Variants in LBR observed in about 807,000 individuals in gnomAD.
LBR encodes delta(14)-sterol reductase LBR.
A neutral mutation model predicts 74.3 loss-of-function variants in LBR; 28 were observed. The ratio of observed to expected loss-of-function variants is 0.38; its 90% CI spans 0.28 to 0.52. LBR has a LOEUF of 0.52. Among genes scored for constraint, LBR ranks in the 20% least tolerant of loss-of-function variants. The probability of loss-of-function intolerance (pLI) is 0.89; values close to 1 mark genes in which losing one functional copy is unlikely to be tolerated. For synonymous variants in LBR, 228 were observed against 269.3 expected (o/e 0.85, Z 1.50); for missense variants, 717 against 760.3 (o/e 0.94, Z 0.67).
intron 2 of LBR, 54 bp downstream of exon 2, chr1:225,423,857 G>C (rs2096133401): frequency 8.6e-6 from 13 of 1,510,880 alleles, no homozygotes; most frequent in South Asian, 1.1e-5. Context: ...ACCATACTTA[G>C]AGTTATTTCC....
intron 5 of LBR, among the ~76,000 whole-genome samples, chr1:225,418,423 T>C (rs983323918): frequency 6.6e-6 from 1 of 151,600 alleles, no homozygotes; most frequent in African/African-American, 2.4e-5. Flanking sequence ...AGGTCCAACA[T>C]TGAATAGCTA....
Position 225,417,918 on chromosome 1 carries a change from G to A in LBR, c.837+66C>T, listed in dbSNP as rs367936423. On this transcript the variant is annotated intron_variant, in intron 6 of 13. Transcript: ENST00000272163. ...GGATCACTTGATCCCAGAAATTGGAGACCCGCCTGGACAATATAGTGAGAC... is the reference window on the plus strand; with the variant it reads ...GGATCACTTGATCCCAGAAATTGGAAACCCGCCTGGACAATATAGTGAGAC... The A allele has an allele frequency of 4.8e-5, 70 of 1,453,694 alleles. No individual in the cohort carries two copies. In the African/African-American group the frequency reaches 9.3e-4, roughly 19 times the overall value. The allele number at this position is 1,453,694 out of a possible 1,614,324, so 90.0% of individuals were successfully genotyped here.
At chr1:225,421,535 G>A (rs1021616712) in intron 3 of LBR, among the ~76,000 whole-genome samples, 14 of 152,238 alleles carry the variant, frequency 9.2e-5, no homozygotes, top group African/African-American at 3.4e-4. Flanking sequence ...TTAACATTAA[G>A]TGAATAGAAG....
At position 225,419,450 on chromosome 1, in the gene LBR, T is replaced by C; in HGVS notation, c.453A>G (p.Glu151=). Residue 151 remains glutamate, a splice_region_variant and synonymous_variant, in exon 5 of 14, where the codon GAA becomes GAG. Transcript: ENST00000272163. ...TGCTTTCTTGTGACAAACTGAATTTTTCCTAAATGAAAAATTTAAAAATTA... is the reference window on the plus strand; with the variant it reads ...TGCTTTCTTGTGACAAACTGAATTTCTCCTAAATGAAAAATTTAAAAATTA... ...RNDAPHKNTQ[E]KFSLSQESSY... The C allele has an allele frequency of 1.2e-6, 2 of 1,606,736 alleles. No individual in the cohort carries two copies. The highest frequency in any genetic ancestry group is 1.7e-6 in the Non-Finnish European group (2 of 1,173,478).
Position 225,406,686 on chromosome 1 carries a change from A to C in LBR, c.1461T>G (p.Ala487=). ...CACGTTTCAGAACAATAATTAGAGA[A>C]GCCATTGGCCAAGACACTTCATTTG... ...SHPNEVSWPM[A]SLIIVLKLCG... is the part of the protein sequence containing the mutation. Residue 487 remains alanine (A), a synonymous_variant, in exon 11 of 14, where the codon GCT becomes GCG. Transcript: ENST00000272163. The C allele has an allele frequency of 1.2e-6, 2 of 1,611,960 alleles. No homozygotes were observed. The highest frequency in any genetic ancestry group is 1.7e-6 in the Non-Finnish European group (2 of 1,179,492).
intron 4 of LBR, 43 bp downstream of exon 4, chr1:225,419,672 A>G (rs774086290): frequency 9.2e-6 from 13 of 1,413,418 alleles, no homozygotes; most frequent in East Asian, 2.3e-5. Flanking sequence ...ACCAAAAAAA[A>G]GAAAAAAAAA....
At chr1:225,419,535 T>A (rs2096123811) in intron 4 of LBR, 83 bp from the exon 5 acceptor site, 11 of 1,028,616 alleles carry the variant, frequency 1.1e-5, no homozygotes, top group South Asian at 7.9e-5. Context: ...AGCATCTCAA[T>A]ACAGCTATAC....
In LBR at chr1:225,424,071, G is replaced by A. The variant is rs1250803200; in HGVS notation, c.5C>T (p.Pro2Leu). Residue 2 changes from proline (P) to leucine (L), a missense_variant, in exon 2 of 14, where the codon CCA becomes CTA. Pro to Leu is a moderately conservative substitution (Grantham distance 98). Coordinates refer to ENST00000272163, the MANE Select transcript of LBR (RefSeq NM_002296.4). ...TTCACCATCGGCAAATTTCCTACTTGGCATTTTCTATAATTAACCTGAATA... is the reference window on the plus strand; with the variant it reads ...TTCACCATCGGCAAATTTCCTACTTAGCATTTTCTATAATTAACCTGAATA... The part of the protein sequence containing the change: M[P>L]SRKFADGEVV... 6.2e-7 allele frequency: 1 copy of A among 1,613,820 alleles called. No individual in the cohort carries two copies. Among genetic ancestry groups the A allele is most frequent in the East Asian group, 2.2e-5 (1 of 44,868 alleles).
At chr1:225,406,965 A>G in intron 10 of LBR, 133 bp from the exon 11 acceptor site, 1 of 818,002 alleles carries the variant, frequency 1.2e-6, no homozygotes, top group Non-Finnish European at 2.0e-6. Flanking sequence ...GTTAAAGGGG[A>G]GAGAGATCTG....
At chr1:225,419,217 C>T (rs1450087611) in intron 5 of LBR, 46 bp downstream of exon 5, 12 of 1,591,116 alleles carry the variant, frequency 7.5e-6, no homozygotes, top group Non-Finnish European at 1.0e-5. Context: ...GCAACCACCC[C>T]TAGCTCACCC....
At chr1:225,427,693 C>T (rs1411848989) in intron 1 of LBR, 1 of 152,434 alleles carries the variant, frequency 6.6e-6, no homozygotes, top group African/African-American at 2.4e-5. Context: ...TTTAAAACCC[C>T]CAGCTCCATT....
intron 2 of LBR, among the ~76,000 whole-genome samples, chr1:225,422,772 A>G (rs1046777449): frequency 2.0e-5 from 3 of 152,200 alleles, no homozygotes; most frequent in Middle Eastern, 3.2e-3. Context: ...TGTTGCTTCT[A>G]GGGATGTAGA....
At chr1:225,409,597 A>T (rs2096100306) in intron 10 of LBR, among the ~76,000 whole-genome samples, 1 of 152,220 alleles carries the variant, frequency 6.6e-6, no homozygotes, top group African/African-American at 2.4e-5. Flanking sequence ...TTTAATATGG[A>T]AAGAAAACTA....
At chr1:225,414,076 G>C (rs1365489285) in intron 7 of LBR, 1 of 456,748 alleles carries the variant, frequency 2.2e-6, no homozygotes, top group African/African-American at 2.0e-5. Context: ...CCACCAGAGG[G>C]AGGGAGGGTG....
Position 225,403,410 on chromosome 1 carries a change from C to A in LBR, c.1741G>T (p.Val581Phe), listed in dbSNP as rs1486861811. The change falls in exon 14 of 14, where the codon GTC (valine) becomes TTC (phenylalanine). Residue 581 changes from valine to phenylalanine, a missense_variant. Val to Phe is a conservative substitution (Grantham distance 50). Coordinates refer to ENST00000272163, the MANE Select transcript of LBR (RefSeq NM_002296.4). ...FYIIYFTMLL[V>F]HREARDEYHC... ...TACTCGTCACGAGCTTCTCGGTGGA[C>A]AAGCAACATGGTGAAATAAATTATG... 9 of 1,612,354 alleles carry A rather than the reference C, an allele frequency of 5.6e-6. No homozygotes were observed. The highest frequency in any genetic ancestry group is 7.6e-6 in the Non-Finnish European group (9 of 1,179,176).
At chr1:225,427,818 G>A (rs1369116146) in intron 1 of LBR, 136 bp downstream of exon 1, 4 of 151,068 alleles carry the variant, frequency 2.6e-5, no homozygotes, top group Non-Finnish European at 5.9e-5. Context: ...GAGAGGAGGG[G>A]AAGGCCGCCG....
Position 225,403,328 on chromosome 1 carries a change from T to G in LBR, c.1823A>C (p.Tyr608Ser), listed in dbSNP as rs1332502900. 6.2e-7 allele frequency: 1 copy of G among 1,613,718 alleles called. No homozygotes were observed. The highest frequency in any genetic ancestry group is 8.5e-7 in the Non-Finnish European group (1 of 1,179,970). Residue 608 changes from tyrosine to serine, a missense_variant, in exon 14 of 14, where the codon TAC (tyrosine) becomes TCC (serine). Physicochemically the swap from Tyr to Ser is moderately radical, Grantham distance 144 (BLOSUM62 -2). Transcript: ENST00000272163. ...AWEKYCQRVP[Y>S]RIFPYIY Reference sequence around the variant, plus strand: ...TTAGTAGATGTATGGAAATATACGGTAGGGCACACGCTGACAGTACTTTTC... The same window carrying G: ...TTAGTAGATGTATGGAAATATACGGGAGGGCACACGCTGACAGTACTTTTC...
At chr1:225,411,002 C>G (rs1041588228) in intron 9 of LBR, among the ~76,000 whole-genome samples, 2 of 152,160 alleles carry the variant, frequency 1.3e-5, no homozygotes, top group African/African-American at 4.8e-5. Context: ...TCTCTATCTG[C>G]AACTCCAAGC....
intron 8 of LBR, among the ~76,000 whole-genome samples, chr1:225,411,950 T>C (rs1251134331): frequency 6.6e-6 from 1 of 152,136 alleles, no homozygotes; most frequent in East Asian, 1.9e-4. Context: ...GATGGGATTA[T>C]AGGTGTGCAC....
Sources: allele counts gnomAD v4.1 joint callset (sites outside exome capture counted in the v4.1 genomes callset), GRCh38; gene constraint gnomAD v4.1.1; transcripts MANE v1.5; gene names NCBI Gene and HGNC (gene_info 2026-07-23, HGNC 2026-07-21).